The following GSKIP variants were observed in gnomAD, a reference collection of about 807,000 sequenced individuals.
GSKIP encodes GSK3B-interacting protein.
Under a neutral mutation model 11.9 loss-of-function variants are expected in GSKIP, and 5 were observed. That is an observed-to-expected ratio of 0.42 (90% confidence interval 0.22 to 0.89). The LOEUF (loss-of-function observed/expected upper bound fraction) is 0.89, where lower values mean the gene tolerates loss of function less well. Ranked by LOEUF, GSKIP falls within the 40% of genes least tolerant of loss-of-function variation. GSKIP has a pLI of 0.29. For missense variants in GSKIP, 150 were observed against 166.6 expected (o/e 0.90, Z 0.55); for synonymous variants, 70 against 62.9 (o/e 1.11, Z -0.54).
chr14:96,373,229 C>CA (rs57931398), intron 1 of GSKIP, among the ~76,000 whole-genome samples: 26,318 of 82,874 alleles, frequency 0.32, 4,078 homozygotes, highest in Non-Finnish European at 0.39. Flanking sequence ...GACTCTGTCT[C>CA]AAAAAAAAAA....
intron 1 of GSKIP, among the ~76,000 whole-genome samples, chr14:96,376,714 T>C (rs1889212833): frequency 6.6e-6 from 1 of 152,224 alleles, no homozygotes; most frequent in South Asian, 2.1e-4. Context: ...TGTATGGCAT[T>C]AATATTTGTG....
At chr14:96,366,510 C>T (rs937684769) in intron 1 of GSKIP, among the ~76,000 whole-genome samples, 13 of 152,198 alleles carry the variant, frequency 8.5e-5, no homozygotes, top group African/African-American at 2.9e-4. Context: ...ACAAACTCAT[C>T]TCAAATCACA....
chr14:96,371,639 G>A (rs1171645111), intron 1 of GSKIP, among the ~76,000 whole-genome samples: 2 of 152,072 alleles, frequency 1.3e-5, no homozygotes, highest in East Asian at 3.9e-4. Context: ...TAGAGATGGG[G>A]TTTCGCCATG....
chr14:96,369,642 C>T (rs1888990243), intron 1 of GSKIP, among the ~76,000 whole-genome samples: 1 of 152,148 alleles, frequency 6.6e-6, no homozygotes, highest in African/African-American at 2.4e-5. Flanking sequence ...GTCTTTGCAG[C>T]TTCTATGTGT....
chr14:96,371,751 C>G (rs1046234073), intron 1 of GSKIP, among the ~76,000 whole-genome samples: 2 of 152,126 alleles, frequency 1.3e-5, no homozygotes, highest in Non-Finnish European at 2.9e-5. Context: ...CCAGCCAAAA[C>G]TATCAACAAT....
chr14:96,376,354 C>G (rs1889203501), intron 1 of GSKIP, among the ~76,000 whole-genome samples: 2 of 152,134 alleles, frequency 1.3e-5, no homozygotes, highest in Non-Finnish European at 2.9e-5. Context: ...GTTCCCTACA[C>G]AGAATTTTTC....
chr14:96,385,757 G>A lies in GSKIP; in HGVS notation c.*73G>A. 2 of 1,222,730 alleles carry A rather than the reference G, an allele frequency of 1.6e-6. No homozygotes were observed. The highest frequency in any genetic ancestry group is 2.3e-6 in the Non-Finnish European group (2 of 886,920). 75.7% of individuals were successfully genotyped at this position (1,222,730 alleles called of 1,614,324 possible). Reference sequence around the variant, plus strand: ...TATAAAGCTTAAAATTCTTGCATATGGTCATAGAAAATGCATCTTTGGTTT... The same window carrying A: ...TATAAAGCTTAAAATTCTTGCATATAGTCATAGAAAATGCATCTTTGGTTT... On this transcript the variant is annotated 3_prime_UTR_variant, in exon 4 of 4. Transcript: ENST00000555181.
chr14:96,378,544 G>C (rs958771048), intron 1 of GSKIP, among the ~76,000 whole-genome samples: 2 of 152,178 alleles, frequency 1.3e-5, no homozygotes, highest in Non-Finnish European at 2.9e-5. Context: ...CTCCAGAACT[G>C]TAAGAGAATA....
In GSKIP at chr14:96,386,944, A is replaced by G. The variant is rs1595354692; in HGVS notation, c.*1260A>G. On this transcript the variant is annotated 3_prime_UTR_variant, in exon 4 of 4. Transcript: ENST00000555181. ...ACCTTCATGCATTTATCATTTGCAG[A>G]TATTTTTCCATCATTATTAAAAAAC... 2.0e-5 allele frequency: 3 copies of G among 152,518 alleles called. No individual in the cohort carries two copies. The highest frequency in any genetic ancestry group is 2.0e-4 in the Admixed American group (3 of 15,300). 9.4% of individuals were successfully genotyped at this position (152,518 alleles called of 1,614,324 possible). A position where few individuals can be genotyped will look rare whatever the true frequency, so the allele number is the denominator to read the frequency against.
chr14:96,370,731 G>A (rs1372008465), intron 1 of GSKIP, among the ~76,000 whole-genome samples: 2 of 152,182 alleles, frequency 1.3e-5, no homozygotes, highest in Non-Finnish European at 2.9e-5. Context: ...CACCACGAGC[G>A]GAAGCAGCTG....
chr14:96,373,247 A>G (rs1889102710), intron 1 of GSKIP, among the ~76,000 whole-genome samples: 1 of 145,656 alleles, frequency 6.9e-6, no homozygotes, highest in Admixed American at 6.7e-5. Context: ...AAAAAAAAAA[A>G]AAAAAGAAAG....
At chr14:96,372,580 G>A (rs1460679502) in intron 1 of GSKIP, among the ~76,000 whole-genome samples, 1 of 152,200 alleles carries the variant, frequency 6.6e-6, no homozygotes, top group African/African-American at 2.4e-5. Context: ...GTGTCAAAAT[G>A]CATTTAATTC....
chr14:96,374,218 CAT>C (rs1889136056), intron 1 of GSKIP, among the ~76,000 whole-genome samples: 1 of 151,916 alleles, frequency 6.6e-6, no homozygotes, highest in African/African-American at 2.4e-5. Context: ...AACTTGAAGA[CAT>C]ATCAATAAAC....
intron 1 of GSKIP, chr14:96,364,969 G>T (rs1163027253): frequency 6.6e-6 from 1 of 152,092 alleles, no homozygotes; most frequent in African/African-American, 2.4e-5. Flanking sequence ...CTGCACTCCA[G>T]CCTGAACCAC....
intron 1 of GSKIP, among the ~76,000 whole-genome samples, chr14:96,373,117 C>G (rs1002100741): frequency 2.6e-5 from 4 of 151,066 alleles, no homozygotes; most frequent in Non-Finnish European, 2.9e-5. Flanking sequence ...GTAATCCCAG[C>G]TACTCAGGAG....
intron 2 of GSKIP, among the ~76,000 whole-genome samples, chr14:96,380,872 C>T (rs1003269791): frequency 6.6e-6 from 1 of 152,134 alleles, no homozygotes; most frequent in Non-Finnish European, 1.5e-5. Flanking sequence ...GACCTTGTCT[C>T]TTAAAATACA....
At chr14:96,383,116 GA>G (rs1401636568) in intron 3 of GSKIP, among the ~76,000 whole-genome samples, 1 of 151,998 alleles carries the variant, frequency 6.6e-6, no homozygotes, top group African/African-American at 2.4e-5. Flanking sequence ...AATTAAAAAA[GA>G]AAAAACTATA....
intron 1 of GSKIP, among the ~76,000 whole-genome samples, chr14:96,373,229 C>CAAAAAAAAAAAAAAAAAAAAAAAAAA: frequency 1.2e-5 from 1 of 82,812 alleles, no homozygotes; most frequent in Non-Finnish European, 2.2e-5. Flanking sequence ...GACTCTGTCT[C>CAAAAAAAAAAAAAAAAAAAAAAAAAA]AAAAAAAAAA....
rs1330667638 is a variant in GSKIP at position 96,385,738 on chromosome 14, G to A, written c.*54G>A. The A allele has an allele frequency of 1.4e-6, 2 of 1,406,026 alleles. No homozygotes were observed. The highest frequency in any genetic ancestry group is 1.9e-6 in the Non-Finnish European group (2 of 1,038,148). 87.1% of individuals were successfully genotyped at this position (1,406,026 alleles called of 1,614,324 possible). Reference sequence around the variant, plus strand: ...TGCTGGTACAGAATGTTGATATAAAGCTTAAAATTCTTGCATATGGTCATA... The same window carrying A: ...TGCTGGTACAGAATGTTGATATAAAACTTAAAATTCTTGCATATGGTCATA... On this transcript the variant is annotated 3_prime_UTR_variant, in exon 4 of 4. Coordinates refer to ENST00000555181, the MANE Select transcript of GSKIP (RefSeq NM_016472.5).
Sources: allele counts gnomAD v4.1 joint callset (sites outside exome capture counted in the v4.1 genomes callset), GRCh38; gene constraint gnomAD v4.1.1; transcripts MANE v1.5; gene names NCBI Gene and HGNC (gene_info 2026-07-23, HGNC 2026-07-21).